STPG2: variants seen among roughly 807,000 people sequenced by gnomAD.
STPG2 encodes sperm tail PG-rich repeat containing 2, also known as sperm-tail PG-rich repeat-containing protein 2.
In STPG2, 56 loss-of-function variants were observed where a neutral mutation model predicts 54.2. The observed-to-expected ratio is 1.03, with a 90% CI of 0.83 to 1.29. The LOEUF is 1.29. STPG2 is among the 50% of genes most tolerant of loss of function. The probability of loss-of-function intolerance (pLI) is 0.00; values close to 1 mark genes in which losing one functional copy is unlikely to be tolerated. For missense variants in STPG2, 596 were observed against 544.9 expected (o/e 1.09, Z -0.93); for synonymous variants, 200 against 181.8 (o/e 1.10, Z -0.81).
chr4:97,860,019 C>G (rs910383236), intron 8 of STPG2, among the ~76,000 whole-genome samples: 2 of 152,156 alleles, frequency 1.3e-5, no homozygotes, highest in Non-Finnish European at 2.9e-5. Flanking sequence ...TTTGCATTGT[C>G]AAAGATCAGT....
At chr4:98,087,336 T>C (rs1299660082) in intron 5 of STPG2, among the ~76,000 whole-genome samples, 1 of 152,156 alleles carries the variant, frequency 6.6e-6, no homozygotes. Context: ...ATATAGAATC[T>C]GTACATCCCC....
intron 5 of STPG2, among the ~76,000 whole-genome samples, chr4:98,007,977 A>G (rs538387190): frequency 6.6e-6 from 1 of 152,274 alleles, no homozygotes; most frequent in South Asian, 2.1e-4. Context: ...AAACTTAAGA[A>G]TCCTTGGTAT....
At chr4:97,672,217 C>A (rs958217105) in intron 10 of STPG2, among the ~76,000 whole-genome samples, 74 of 144,782 alleles carry the variant, frequency 5.1e-4, no homozygotes, top group African/African-American at 1.9e-3. Flanking sequence ...CTTGTTGCCC[C>A]GGCTGGAGTG....
chr4:97,645,179 T>C (rs1209401410), intron 10 of STPG2, among the ~76,000 whole-genome samples: 13 of 151,542 alleles, frequency 8.6e-5, no homozygotes, highest in Admixed American at 8.6e-4. Context: ...AAAAGACAGA[T>C]GGAGAACTGA....
chr4:97,681,412 C>T (rs1031997901), intron 10 of STPG2, among the ~76,000 whole-genome samples: 2 of 151,494 alleles, frequency 1.3e-5, no homozygotes, highest in Admixed American at 6.6e-5. Context: ...ATCAGTGAAG[C>T]CTGATTTTAT....
chr4:97,746,613 A>C (rs1200372714), intron 9 of STPG2, among the ~76,000 whole-genome samples: 1 of 151,314 alleles, frequency 6.6e-6, no homozygotes, highest in Non-Finnish European at 1.5e-5. Context: ...ATAAGCACAT[A>C]TCCAAAATCT....
chr4:97,466,959 A>G (rs931389290), intron 4 of STPG2, among the ~76,000 whole-genome samples: 83 of 152,052 alleles, frequency 5.5e-4, no homozygotes, highest in Non-Finnish European at 3.1e-4. Flanking sequence ...CACCCAAGCT[A>G]CTATAGTCAA....
intron 10 of STPG2, among the ~76,000 whole-genome samples, chr4:97,630,162 A>G (rs1201219976): frequency 6.6e-6 from 1 of 151,952 alleles, no homozygotes. Flanking sequence ...ATGATGCAGT[A>G]GGATATGCAA....
chr4:97,622,182 C>T (rs1458215437), intron 10 of STPG2, among the ~76,000 whole-genome samples: 1 of 152,094 alleles, frequency 6.6e-6, no homozygotes, highest in Non-Finnish European at 1.5e-5. Context: ...ACTAAGTGGG[C>T]AAAAGCTAGA....
At chr4:97,645,935 A>G (rs899533652) in intron 10 of STPG2, among the ~76,000 whole-genome samples, 3 of 152,248 alleles carry the variant, frequency 2.0e-5, no homozygotes, top group Admixed American at 6.6e-5. Context: ...TCCATTATAC[A>G]TAAATTCCAG....
At chr4:98,072,840 C>G (rs1393065523) in intron 5 of STPG2, among the ~76,000 whole-genome samples, 2 of 152,178 alleles carry the variant, frequency 1.3e-5, no homozygotes, top group East Asian at 1.9e-4. Flanking sequence ...AACCTAGCAG[C>G]TCTAAACACA....
intron 5 of STPG2, among the ~76,000 whole-genome samples, chr4:97,983,043 A>G (rs1277400135): frequency 6.6e-6 from 1 of 152,126 alleles, no homozygotes; most frequent in Non-Finnish European, 1.5e-5. Context: ...TCTATAGTCG[A>G]CCCTTGAACA....
At position 97,446,942 on chromosome 4, in the gene STPG2, C is replaced by G. The variant is rs138134404; in HGVS notation, c.463-259109G>C. ...AGATAACATGAAAATGTGGAAGCAA[C>G]TTTGGAACTGGGTAACAGGCAGAGG... On this transcript the variant is annotated intron_variant, in intron 4 of 4. Coordinates refer to the STPG2 transcript ENST00000522676. 4.8e-3 allele frequency among the ~76,000 whole-genome samples: 732 copies of G among 152,254 alleles called. 3 individuals carry two copies. Among genetic ancestry groups the G allele is most frequent in the African/African-American group, 0.017 (692 of 41,532 alleles).
chr4:97,894,344 C>A (rs192961860), intron 8 of STPG2, among the ~76,000 whole-genome samples: 1 of 151,772 alleles, frequency 6.6e-6, no homozygotes, highest in Non-Finnish European at 1.5e-5. Context: ...CATTCATCTA[C>A]GAAAAAATAC....
chr4:97,869,332 G>T (rs970679349), intron 8 of STPG2, among the ~76,000 whole-genome samples: 9 of 151,332 alleles, frequency 5.9e-5, no homozygotes, highest in Non-Finnish European at 1.0e-4. Flanking sequence ...AAAGTTAAAG[G>T]CTCTGTTAAC....
chr4:97,611,132 C>T (rs1053276398), intron 10 of STPG2, among the ~76,000 whole-genome samples: 2 of 151,828 alleles, frequency 1.3e-5, no homozygotes, highest in East Asian at 1.9e-4. Flanking sequence ...GAATTTCAAA[C>T]GTGTGTTTTT....
intron 8 of STPG2, among the ~76,000 whole-genome samples, chr4:97,934,237 C>T (rs1050607833): frequency 6.6e-6 from 1 of 152,010 alleles, no homozygotes. Flanking sequence ...TGCTGAAGTT[C>T]CTTTCAGCTT....
Position 98,109,312 on chromosome 4 carries a change from A to C in STPG2, c.388-7T>G. 6.3e-7 allele frequency: 1 copy of C among 1,586,810 alleles called. No homozygotes were observed. The highest frequency in any genetic ancestry group is 8.6e-7 in the Non-Finnish European group (1 of 1,164,862). ...AAGTTGCATTGGAAACATCCTAAAA[A>C]ATAAAAAGTTTTAAAAAGTGAGGAT... On this transcript the variant is annotated splice_polypyrimidine_tract_variant and splice_region_variant and intron_variant, in intron 3 of 10. Transcript: ENST00000295268.
At chr4:98,036,851 T>A (rs1736795293) in intron 5 of STPG2, among the ~76,000 whole-genome samples, 1 of 152,022 alleles carries the variant, frequency 6.6e-6, no homozygotes, top group Non-Finnish European at 1.5e-5. Flanking sequence ...GTATAAAAAA[T>A]TATTTTAAGA....
Sources: allele counts gnomAD v4.1 joint callset (sites outside exome capture counted in the v4.1 genomes callset), GRCh38; gene constraint gnomAD v4.1.1; transcripts MANE v1.5; gene names NCBI Gene and HGNC (gene_info 2026-07-23, HGNC 2026-07-21).